NRP1: variants seen among roughly 807,000 people sequenced by gnomAD.
NRP1 encodes the protein neuropilin 1.
A neutral mutation model predicts 106.7 loss-of-function variants in NRP1; 35 were observed. The observed-to-expected ratio is 0.33, with a 90% CI of 0.25 to 0.43. The LOEUF (loss-of-function observed/expected upper bound fraction) is 0.43. Among genes scored for constraint, NRP1 ranks in the 20% least tolerant of loss-of-function variants. The probability of loss-of-function intolerance (pLI) is 1.00; values close to 1 mark genes in which losing one functional copy is unlikely to be tolerated. For missense variants in NRP1, 1,024 were observed against 1,170.4 expected (o/e 0.87, Z 1.83); for synonymous variants, 437 against 417.9 (o/e 1.05, Z -0.56).
At chr10:33,283,911 A>G (rs529916895) in intron 2 of NRP1, among the ~76,000 whole-genome samples, 28 of 152,316 alleles carry the variant, frequency 1.8e-4, no homozygotes, top group Admixed American at 1.7e-3. Flanking sequence ...CACATTTCAA[A>G]CTAAACAAGG....
intron 6 of NRP1, among the ~76,000 whole-genome samples, chr10:33,238,898 G>C (rs761778793): frequency 7.3e-6 from 1 of 136,510 alleles, no homozygotes; most frequent in East Asian, 2.4e-4. Flanking sequence ...AATTGGAGTG[G>C]GTGCCTCTGT....
intron 1 of NRP1, among the ~76,000 whole-genome samples, chr10:33,332,538 C>T (rs575395335): frequency 1.3e-5 from 2 of 152,254 alleles, no homozygotes; most frequent in Admixed American, 6.5e-5. Context: ...TGGTACCACA[C>T]CAGAGCTCTT....
At chr10:33,266,546 T>G (rs1259313656) in intron 3 of NRP1, among the ~76,000 whole-genome samples, 1 of 152,232 alleles carries the variant, frequency 6.6e-6, no homozygotes. Context: ...CCTTATTCAC[T>G]GTTGTTTCAG....
intron 3 of NRP1, among the ~76,000 whole-genome samples, chr10:33,268,734 T>A (rs1330374773): frequency 6.6e-6 from 1 of 152,228 alleles, no homozygotes. Context: ...TGTACATATG[T>A]GTGTGTACAT....
chr10:33,252,990 C>T (rs1170808343), intron 6 of NRP1, among the ~76,000 whole-genome samples: 1 of 140,478 alleles, frequency 7.1e-6, no homozygotes, highest in African/African-American at 2.9e-5. Flanking sequence ...GATTAATCAT[C>T]TTGTGGTTTT....
intron 12 of NRP1, 52 bp from the exon 13 acceptor site, chr10:33,192,470 G>T: frequency 6.3e-7 from 1 of 1,597,190 alleles, no homozygotes; most frequent in South Asian, 1.1e-5. Flanking sequence ...AGGCAAATTT[G>T]ATCATTTAGG....
At chr10:33,329,824 G>C (rs1848148896) in intron 2 of NRP1, among the ~76,000 whole-genome samples, 1 of 152,212 alleles carries the variant, frequency 6.6e-6, no homozygotes, top group Non-Finnish European at 1.5e-5. Context: ...TGGGTGTTAA[G>C]AGAGACGAGC....
At chr10:33,326,463 TCCTTCCTCTCCCTCAACA>T (rs1176110005) in intron 2 of NRP1, among the ~76,000 whole-genome samples, 1 of 152,122 alleles carries the variant, frequency 6.6e-6, no homozygotes, top group Non-Finnish European at 1.5e-5. Context: ...AAATCAACAT[TCCTTCCTCTCCCTCAACA>T]CCTTCTTCGG....
intron 2 of NRP1, among the ~76,000 whole-genome samples, chr10:33,306,086 A>C (rs911293718): frequency 6.6e-6 from 1 of 152,078 alleles, no homozygotes; most frequent in African/African-American, 2.4e-5. Context: ...TTTCTAACCA[A>C]AATTTTCACT....
intron 1 of NRP1, among the ~76,000 whole-genome samples, chr10:33,331,966 AAC>A (rs1848316084): frequency 6.6e-6 from 1 of 152,218 alleles, no homozygotes; most frequent in Non-Finnish European, 1.5e-5. Flanking sequence ...TGTAGATTTT[AAC>A]ACTGCATCTA....
In NRP1 at chr10:33,301,014, C is replaced by T. The variant is rs549069715; in HGVS notation, c.248+29694G>A. 2.0e-5 allele frequency among the ~76,000 whole-genome samples: 3 copies of T among 152,312 alleles called. No homozygotes were observed. The South Asian group carries it at 6.2e-4, about 32-fold the overall frequency. On this transcript the variant is annotated intron_variant, in intron 2 of 16. Transcript: ENST00000374867. ...CTGTCTCAGATTTTTGGGGTTCATACTGGCTGCACCCCTTTCCATGGGGTT... is the reference window on the plus strand; with the variant it reads ...CTGTCTCAGATTTTTGGGGTTCATATTGGCTGCACCCCTTTCCATGGGGTT...
intron 2 of NRP1, among the ~76,000 whole-genome samples, chr10:33,325,701 A>C (rs1475501493): frequency 6.6e-6 from 1 of 152,258 alleles, no homozygotes; most frequent in African/African-American, 2.4e-5. Flanking sequence ...TTATCCCAAC[A>C]AAATTCTGAA....
chr10:33,291,488 CT>C (rs1168806116), intron 2 of NRP1, among the ~76,000 whole-genome samples: 1 of 152,198 alleles, frequency 6.6e-6, no homozygotes, highest in Non-Finnish European at 1.5e-5. Context: ...AAGAAAGCCA[CT>C]GTAATTTGGA....
intron 3 of NRP1, among the ~76,000 whole-genome samples, chr10:33,265,437 AT>A (rs1842858591): frequency 1.3e-5 from 2 of 152,196 alleles, no homozygotes; most frequent in South Asian, 4.1e-4. Flanking sequence ...TTAACTAAAC[AT>A]TCTCCCAAAG....
intron 8 of NRP1, among the ~76,000 whole-genome samples, chr10:33,215,460 A>G (rs945916649): frequency 1.3e-5 from 2 of 152,220 alleles, no homozygotes; most frequent in African/African-American, 4.8e-5. Flanking sequence ...CAGCCCAAGG[A>G]GCTTCTGAGC....
intron 15 of NRP1, among the ~76,000 whole-genome samples, chr10:33,184,716 T>C (rs1835894795): frequency 6.6e-6 from 1 of 152,218 alleles, no homozygotes; most frequent in South Asian, 2.1e-4. Flanking sequence ...CTCCTTTCTT[T>C]TTGCCCAATT....
Position 33,270,700 on chromosome 10 carries a change from G to C in NRP1, c.405C>G (p.Ser135=). 1 of 1,611,448 alleles carries C rather than the reference G, an allele frequency of 6.2e-7. No homozygotes were observed. Among genetic ancestry groups the C allele is most frequent in the Non-Finnish European group, 8.5e-7 (1 of 1,178,886 alleles). The part of the protein sequence containing the change: ...SDYETHGAGF[S]IRYEIFKRGP... The stretch of plus-strand genomic sequence containing the variant: ...CTCTCTTGAAAATTTCATAACGTAT[G>C]GAAAATCCTGCACCATGTGTTTCGT... The change falls in exon 3 of 17, where the codon TCC becomes TCG. Residue 135 remains serine, a synonymous_variant. Transcript: ENST00000374867.
At chr10:33,249,300 G>C (rs141850655) in intron 6 of NRP1, 1 of 324,234 alleles carries the variant, frequency 3.1e-6, no homozygotes, top group Non-Finnish European at 6.0e-6. Flanking sequence ...CTTTGAGAAC[G>C]TCTCCCTAGA....
At chr10:33,244,180 G>A (rs1458684999) in intron 6 of NRP1, among the ~76,000 whole-genome samples, 1 of 152,078 alleles carries the variant, frequency 6.6e-6, no homozygotes, top group Non-Finnish European at 1.5e-5. Context: ...TGTGCTAGAG[G>A]AGTTTTAAAG....
Sources: gnomAD v4.1 joint callset for allele counts (sites outside exome capture counted in the v4.1 genomes callset) on GRCh38, gnomAD v4.1.1 for gene constraint, MANE v1.5 for transcripts, NCBI Gene and HGNC (gene_info 2026-07-23, HGNC 2026-07-21) for gene names.